Variants in RSPO1 observed in about 807,000 individuals in gnomAD.
The protein encoded by RSPO1 is R-spondin 1, also known as R-spondin-1.
Under a neutral mutation model 26.0 loss-of-function variants are expected in RSPO1, and 18 were observed. The ratio of observed to expected loss-of-function variants is 0.69; its 90% CI spans 0.48 to 1.03. The LOEUF is 1.03. RSPO1 is among the 50% of genes least tolerant of loss of function. The pLI is 0.00. For missense variants in RSPO1, 309 were observed against 352.3 expected (o/e 0.88, Z 0.98); for synonymous variants, 133 against 137.4 (o/e 0.97, Z 0.22).
At position 37,612,823 on chromosome 1, in the gene RSPO1, G is replaced by C. The variant is rs772927728; in HGVS notation, c.724C>G (p.Arg242Gly). 1.2e-6 allele frequency: 2 copies of C among 1,613,632 alleles called. No homozygotes were observed. Among genetic ancestry groups the C allele is most frequent in the South Asian group, 1.1e-5 (1 of 91,088 alleles). ...TGCTGCTGCTGTTGCTGCCCCTTGC[G>C]TCTTCGAGAGCCAGCACCCGCCTCC... ...SKEAGAGSRR[R>G]KGQQQQQQQG... The change falls in exon 7 of 7, where the codon CGC (arginine) becomes GGC (glycine). Residue 242 changes from arginine to glycine, a missense_variant. By Grantham distance (125) the Arg-to-Gly change is moderately radical. Coordinates refer to ENST00000356545, the MANE Select transcript of RSPO1 (RefSeq NM_001242908.2).
rs55852308 is a variant in RSPO1, at chr1:37,612,958, A to T, written c.626-37T>A. 0.25 allele frequency: 405,142 copies of T among 1,611,032 alleles called. 52,591 individuals carry two copies. Among genetic ancestry groups the T allele is most frequent in the Middle Eastern group, 0.32 (1,819 of 5,716 alleles). On this transcript the variant is annotated intron_variant, in intron 6 of 6. Coordinates refer to ENST00000356545, the MANE Select transcript of RSPO1 (RefSeq NM_001242908.2). ...AAACAGCAGGAAGAATCAACAAAGG[A>T]TGTGCAGGGAGGCCCTGGGCATGGC...
chr1:37,617,737 G>A (rs937596551), intron 3 of RSPO1, among the ~76,000 whole-genome samples: 2 of 147,980 alleles, frequency 1.4e-5, no homozygotes, highest in Non-Finnish European at 3.0e-5. Context: ...CCAGCATTGA[G>A]TCTCAAGATC....
intron 3 of RSPO1, among the ~76,000 whole-genome samples, chr1:37,617,811 C>A (rs866188618): frequency 1.3e-5 from 2 of 152,046 alleles, no homozygotes; most frequent in African/African-American, 4.8e-5. Context: ...GCAGTGTGAG[C>A]CCTGGGGACA....
intron 1 of RSPO1, among the ~76,000 whole-genome samples, chr1:37,633,855 A>G (rs1299991151): frequency 6.6e-6 from 1 of 152,132 alleles, no homozygotes. Context: ...AGAGGCCCCA[A>G]CAGGTGCCGA....
At chr1:37,614,731 C>T (rs1644086310) in intron 4 of RSPO1, among the ~76,000 whole-genome samples, 1 of 152,218 alleles carries the variant, frequency 6.6e-6, no homozygotes, top group Non-Finnish European at 1.5e-5. Flanking sequence ...CCACCCTAAA[C>T]AGAGTTGAAC....
chr1:37,627,330 A>G (rs1164653265), intron 3 of RSPO1, among the ~76,000 whole-genome samples: 1 of 152,148 alleles, frequency 6.6e-6, no homozygotes, highest in Non-Finnish European at 1.5e-5. Context: ...AAAATGGTCT[A>G]CACATTGTTT....
At chr1:37,633,007 G>C (rs1015987245) in intron 1 of RSPO1, among the ~76,000 whole-genome samples, 1 of 152,226 alleles carries the variant, frequency 6.6e-6, no homozygotes, top group African/African-American at 2.4e-5. Context: ...CAGTGCCTCA[G>C]GTTATTGGTG....
rs1230298245 is a variant in RSPO1, at chr1:37,634,668, G to A, written c.-458C>T. On this transcript the variant is annotated 5_prime_UTR_variant, in exon 1 of 7. Transcript: ENST00000356545. This position sits in a 1 kb window ranked among gnomAD's most constrained non-coding sequence, Gnocchi z 4.7. ...TGTCCTGGGCGCCCGGCTCGCCTGC[G>A]CTCCGCCCGCCCGTTCCCAAGTTGC... The A allele has an allele frequency of 2.6e-5, 4 of 152,252 alleles. No individual in the cohort carries two copies. The highest frequency in any genetic ancestry group is 4.4e-5 in the Non-Finnish European group (3 of 68,102). The allele number at this position is 152,252 out of a possible 1,614,324, so 9.4% of individuals were successfully genotyped here.
intron 1 of RSPO1, among the ~76,000 whole-genome samples, chr1:37,632,665 A>G (rs1035009248): frequency 2.0e-5 from 3 of 152,236 alleles, no homozygotes; most frequent in Non-Finnish European, 2.9e-5. Context: ...AGGATCTTAC[A>G]TGAAATCTGA....
At chr1:37,615,058 T>C (rs1644090820) in intron 4 of RSPO1, among the ~76,000 whole-genome samples, 1 of 151,988 alleles carries the variant, frequency 6.6e-6, no homozygotes, top group South Asian at 2.1e-4. Flanking sequence ...CTTCCCAGAG[T>C]GCAGGCGGGG....
chr1:37,633,264 G>A (rs532182059), intron 1 of RSPO1, among the ~76,000 whole-genome samples: 1 of 152,372 alleles, frequency 6.6e-6, no homozygotes, highest in Admixed American at 6.5e-5. Context: ...TGGGGAGGGC[G>A]GGGCAACCCG....
chr1:37,623,819 G>A (rs1434393887), intron 3 of RSPO1, among the ~76,000 whole-genome samples: 1 of 150,454 alleles, frequency 6.6e-6, no homozygotes, highest in Non-Finnish European at 1.5e-5. Flanking sequence ...GAGTGCAATG[G>A]CGCAATCTTG....
At position 37,612,548 on chromosome 1, in the gene RSPO1, C is replaced by T. The variant is rs935639932; in HGVS notation, c.*207G>A. 1.8e-5 allele frequency: 11 copies of T among 622,982 alleles called. No homozygotes were observed. Among genetic ancestry groups the T allele is most frequent in the African/African-American group, 3.6e-5 (2 of 54,950 alleles). The allele number at this position is 622,982 out of a possible 1,614,324, so 38.6% of individuals were successfully genotyped here. ...TGTGTGTGTGTGGTGTCTGTGTCTG[C>T]GTGTGTACATGAACACACATGTGCA... On this transcript the variant is annotated 3_prime_UTR_variant, in exon 7 of 7. Transcript: ENST00000356545.
At chr1:37,616,822 C>A (rs1347845347) in intron 3 of RSPO1, 147 bp from the exon 4 acceptor site, 12 of 765,372 alleles carry the variant, frequency 1.6e-5, no homozygotes, top group Non-Finnish European at 2.7e-5. Flanking sequence ...GCTGGCAGCT[C>A]TCTGCAAGGC....
At chr1:37,619,530 A>G (rs1644167917) in intron 3 of RSPO1, among the ~76,000 whole-genome samples, 1 of 152,166 alleles carries the variant, frequency 6.6e-6, no homozygotes, top group Non-Finnish European at 1.5e-5. Context: ...AACATGGAGG[A>G]GTTAGGAAGG....
chr1:37,630,053 A>T lies in RSPO1; in HGVS notation c.-288-104T>A, dbSNP rs1644334484. 4 of 644,710 alleles carry T rather than the reference A, an allele frequency of 6.2e-6. No homozygotes were observed. The South Asian group carries it at 7.4e-5, about 12-fold the overall frequency. 39.9% of individuals were successfully genotyped at this position (644,710 alleles called of 1,614,324 possible). A position where few individuals can be genotyped will look rare whatever the true frequency, so the allele number is the denominator to read the frequency against. On this transcript the variant is annotated intron_variant, in intron 2 of 6. Transcript: ENST00000356545. ...GACTGGGAGCTCAAAATGTTTGGACATTACAAGTTACCTACCTAGCACCTT... is the reference window on the plus strand; with the variant it reads ...GACTGGGAGCTCAAAATGTTTGGACTTTACAAGTTACCTACCTAGCACCTT...
At position 37,629,954 on chromosome 1, in the gene RSPO1, CA is replaced by C; in HGVS notation, c.-288-6del. 1 of 1,248,166 alleles carries C rather than the reference CA, an allele frequency of 8.0e-7. No homozygotes were observed. Among genetic ancestry groups the C allele is most frequent in the South Asian group, 1.3e-5 (1 of 78,104 alleles). The allele number at this position is 1,248,166 out of a possible 1,614,324, so 77.3% of individuals were successfully genotyped here. A position where few individuals can be genotyped will look rare whatever the true frequency, so the allele number is the denominator to read the frequency against. ...GGGACTACTCCAAAAACCAACCTGTCAGGGAAGGAGAAAGAAGGGTTAATTC... is the reference window on the plus strand; with the variant it reads ...GGGACTACTCCAAAAACCAACCTGTCGGGAAGGAGAAAGAAGGGTTAATTC... On this transcript the variant is annotated splice_region_variant and splice_polypyrimidine_tract_variant and intron_variant, in intron 2 of 6. Transcript: ENST00000356545.
intron 4 of RSPO1, among the ~76,000 whole-genome samples, chr1:37,615,905 A>G (rs1644103603): frequency 6.6e-6 from 1 of 152,174 alleles, no homozygotes. Context: ...CAGAAGTGTG[A>G]TGGGATAGGT....
intron 6 of RSPO1, 39 bp from the exon 7 acceptor site, chr1:37,612,960 G>A (rs752178598): frequency 6.2e-7 from 1 of 1,609,710 alleles, no homozygotes; most frequent in South Asian, 1.1e-5. Flanking sequence ...AACAAAGGAT[G>A]TGCAGGGAGG....
Sources: gnomAD v4.1 joint callset for allele counts (sites outside exome capture counted in the v4.1 genomes callset) on GRCh38, gnomAD v4.1.1 for gene constraint, Gnocchi (gnomAD v3.1) non-coding constraint, MANE v1.5 for transcripts, NCBI Gene and HGNC (gene_info 2026-07-23, HGNC 2026-07-21) for gene names.